AEBP2: variants seen among roughly 807,000 people sequenced by gnomAD.
AEBP2 encodes AE binding protein 2.
AEBP2 carries 10 observed loss-of-function variants against 50.8 expected under a neutral mutation model. The observed-to-expected ratio is 0.20, with a 90% confidence interval of 0.12 to 0.33. The LOEUF is 0.33. Among genes scored for constraint, AEBP2 ranks in the 10% least tolerant of loss-of-function variants. The pLI, the probability that AEBP2 is intolerant of heterozygous loss-of-function variation, is 1.00. For missense variants in AEBP2, 570 were observed against 688.0 expected, an observed-to-expected ratio of 0.83 and a Z score of 1.92; for synonymous variants, 296 against 261.3, an observed-to-expected ratio of 1.13 and a Z score of -1.28.
intron 5 of AEBP2, among the ~76,000 whole-genome samples, chr12:19,510,419 C>G (rs1949216670): frequency 6.6e-6 from 1 of 152,144 alleles, no homozygotes; most frequent in African/African-American, 2.4e-5. Context: ...TGTGTATGCG[C>G]ATGGGCAGAC....
chr12:19,501,417 T>G (rs1949072984), intron 5 of AEBP2, among the ~76,000 whole-genome samples: 2 of 151,904 alleles, frequency 1.3e-5, no homozygotes, highest in East Asian at 1.9e-4. Flanking sequence ...GGCAGATTGC[T>G]TGAACCTAGG....
At chr12:19,475,727 C>T (rs1169194655) in intron 3 of AEBP2, among the ~76,000 whole-genome samples, 1 of 152,088 alleles carries the variant, frequency 6.6e-6, no homozygotes, top group Non-Finnish European at 1.5e-5. Context: ...AAAGTGTTCC[C>T]TTTTCACCAC....
chr12:19,471,325 C>T (rs1172530358), intron 2 of AEBP2, among the ~76,000 whole-genome samples: 2 of 152,158 alleles, frequency 1.3e-5, no homozygotes, highest in African/African-American at 4.8e-5. Context: ...TGGCATGTTG[C>T]CCAGGCTGGC....
chr12:19,407,505 T>C (rs1415285693), intron 1 of AEBP2, among the ~76,000 whole-genome samples: 1 of 152,126 alleles, frequency 6.6e-6, no homozygotes, highest in African/African-American at 2.4e-5. Flanking sequence ...GGTTTCACCA[T>C]GTTGGCCAGG....
chr12:19,419,568 G>A (rs1296537490), intron 1 of AEBP2, among the ~76,000 whole-genome samples: 2 of 145,046 alleles, frequency 1.4e-5, no homozygotes, highest in African/African-American at 5.1e-5. Context: ...CAGCCTGGGC[G>A]ACAGAGAGAG....
At chr12:19,467,590 G>T (rs1363316598) in intron 2 of AEBP2, among the ~76,000 whole-genome samples, 1 of 152,172 alleles carries the variant, frequency 6.6e-6, no homozygotes, top group East Asian at 1.9e-4. Context: ...CACCGTGCCC[G>T]GCCTAGGTCC....
At chr12:19,514,141 A>G (rs1203784208) in intron 6 of AEBP2, among the ~76,000 whole-genome samples, 1 of 151,862 alleles carries the variant, frequency 6.6e-6, no homozygotes, top group Non-Finnish European at 1.5e-5. Flanking sequence ...ATGGGAATAC[A>G]GGTGTGCGCC....
At chr12:19,501,350 T>TA (rs1949071769) in intron 5 of AEBP2, among the ~76,000 whole-genome samples, 1 of 139,842 alleles carries the variant, frequency 7.2e-6, no homozygotes, top group Non-Finnish European at 1.6e-5. Flanking sequence ...AAAAAAAAAA[T>TA]ACAGCCAGGC....
intron 1 of AEBP2, among the ~76,000 whole-genome samples, chr12:19,444,200 A>C (rs1268182619): frequency 2.0e-5 from 3 of 152,260 alleles, no homozygotes; most frequent in Non-Finnish European, 4.4e-5. Context: ...TCATTCTTCC[A>C]ACACAGTATC....
At chr12:19,429,221 T>C (rs1385099961) in intron 1 of AEBP2, among the ~76,000 whole-genome samples, 1 of 152,142 alleles carries the variant, frequency 6.6e-6, no homozygotes, top group Non-Finnish European at 1.5e-5. Flanking sequence ...AGTGAGAACA[T>C]GCGGTGTTTG....
intron 3 of AEBP2, among the ~76,000 whole-genome samples, chr12:19,489,411 C>T (rs1948862541): frequency 6.6e-6 from 1 of 152,132 alleles, no homozygotes; most frequent in Non-Finnish European, 1.5e-5. Context: ...TCGGGGAAAC[C>T]GCCCCCGCCA....
intron 3 of AEBP2, among the ~76,000 whole-genome samples, chr12:19,481,276 T>G (rs529253340): frequency 6.6e-6 from 1 of 151,226 alleles, no homozygotes; most frequent in South Asian, 2.1e-4. Context: ...AAGTTTTGTA[T>G]TTTTTTAGTA....
chr12:19,409,291 T>A (rs1408230371), intron 1 of AEBP2, among the ~76,000 whole-genome samples: 2 of 152,010 alleles, frequency 1.3e-5, no homozygotes, highest in Admixed American at 1.3e-4. Flanking sequence ...GGCATAACTA[T>A]TCCCTTTGGG....
At chr12:19,499,488 C>T (rs971340756) in intron 4 of AEBP2, among the ~76,000 whole-genome samples, 1 of 151,938 alleles carries the variant, frequency 6.6e-6, no homozygotes. Flanking sequence ...GTGGTGTGCG[C>T]CTGTAGTCCC....
chr12:19,458,056 T>G (rs1253956126), intron 1 of AEBP2, among the ~76,000 whole-genome samples: 2 of 152,184 alleles, frequency 1.3e-5, no homozygotes, highest in African/African-American at 4.8e-5. Context: ...ATTTAACATA[T>G]GTATGGTCCT....
intron 1 of AEBP2, among the ~76,000 whole-genome samples, chr12:19,460,597 C>A (rs1408566261): frequency 6.6e-6 from 1 of 151,896 alleles, no homozygotes; most frequent in African/African-American, 2.4e-5. Flanking sequence ...TGTGATCCAC[C>A]CACCTCGGCC....
At chr12:19,498,402 T>C (rs55689320) in intron 4 of AEBP2, among the ~76,000 whole-genome samples, 11,335 of 152,270 alleles carry the variant, frequency 0.074, 496 homozygotes, top group South Asian at 0.2. Context: ...GTTTTGTTTA[T>C]TTTTTCTTGA....
At chr12:19,440,401 T>G (rs1401772937) in intron 1 of AEBP2, 31 bp downstream of exon 1, 1 of 1,462,644 alleles carries the variant, frequency 6.8e-7, no homozygotes. Context: ...CCCCTTCCCT[T>G]CCTCCTCTTG....
intron 1 of AEBP2, among the ~76,000 whole-genome samples, chr12:19,449,524 T>C (rs1948129727): frequency 6.6e-6 from 1 of 152,242 alleles, no homozygotes. Flanking sequence ...CTACTTGTTT[T>C]CCATAGACTA....
Sources: gnomAD v4.1 joint callset for allele counts (sites outside exome capture counted in the v4.1 genomes callset) on GRCh38, gnomAD v4.1.1 for gene constraint, MANE v1.5 for transcripts, NCBI Gene and HGNC (gene_info 2026-07-23, HGNC 2026-07-21) for gene names.